The following PDE8B variants were observed in gnomAD, a reference collection of about 807,000 sequenced individuals.
PDE8B encodes phosphodiesterase 8B.
Under a neutral mutation model 101.3 loss-of-function variants are expected in PDE8B, and 26 were observed. The ratio of observed to expected loss-of-function variants is 0.26; its 90% CI spans 0.19 to 0.36. The LOEUF (loss-of-function observed/expected upper bound fraction) is 0.36. Ranked by LOEUF, PDE8B falls within the 10% of genes least tolerant of loss-of-function variation. The pLI is 1.00. For missense variants in PDE8B, 810 were observed against 1,163.1 expected (o/e 0.70, Z 4.42); for synonymous variants, 424 against 429.3 (o/e 0.99, Z 0.15).
At chr5:77,224,271 A>G (rs577123431) in intron 1 of PDE8B, among the ~76,000 whole-genome samples, 1 of 152,300 alleles carries the variant, frequency 6.6e-6, no homozygotes, top group South Asian at 2.1e-4. Flanking sequence ...CTAGCTTTGA[A>G]TGTAACACCC....
intron 1 of PDE8B, among the ~76,000 whole-genome samples, chr5:77,311,044 ATGC>A (rs1772478871): frequency 6.6e-6 from 1 of 152,170 alleles, no homozygotes; most frequent in Admixed American, 6.5e-5. Context: ...GGTTGTGTAA[ATGC>A]TGCTGCGTGC....
chr5:77,173,981 A>G, the PDE8B span, among the ~76,000 whole-genome samples: 1 of 152,146 alleles, frequency 6.6e-6, no homozygotes, highest in Non-Finnish European at 1.5e-5. Flanking sequence ...GCTGGGACCA[A>G]CCACTGGCCT....
At chr5:77,372,555 A>G (rs927910813) in intron 10 of PDE8B, among the ~76,000 whole-genome samples, 3 of 152,214 alleles carry the variant, frequency 2.0e-5, no homozygotes, top group Non-Finnish European at 2.9e-5. Flanking sequence ...GTGGCCTGGA[A>G]TTTTTTATGC....
intron 6 of PDE8B, among the ~76,000 whole-genome samples, chr5:77,339,133 G>A (rs1351222457): frequency 6.6e-6 from 1 of 152,158 alleles, no homozygotes; most frequent in Admixed American, 6.5e-5. Context: ...GGGCACCAAA[G>A]ACTTTTTAAG....
intron 10 of PDE8B, among the ~76,000 whole-genome samples, chr5:77,391,662 G>T (rs1332282457): frequency 2.0e-5 from 3 of 152,192 alleles, no homozygotes; most frequent in Non-Finnish European, 4.4e-5. Context: ...GCTTTATCTG[G>T]CTCCACTCTA....
chr5:77,361,379 G>T (rs1178043242), intron 10 of PDE8B, among the ~76,000 whole-genome samples: 1 of 152,080 alleles, frequency 6.6e-6, no homozygotes, highest in Non-Finnish European at 1.5e-5. Flanking sequence ...TAGTTTCATT[G>T]TGAATAACCC....
At chr5:77,318,535 A>T (rs1255087778) in intron 2 of PDE8B, among the ~76,000 whole-genome samples, 1 of 152,206 alleles carries the variant, frequency 6.6e-6, no homozygotes, top group African/African-American at 2.4e-5. Context: ...TAAAATAGGG[A>T]TAATGCCCAA....
At chr5:77,184,513 T>C in the PDE8B span, among the ~76,000 whole-genome samples, 4 of 152,242 alleles carry the variant, frequency 2.6e-5, no homozygotes, top group African/African-American at 7.2e-5. Flanking sequence ...CTGTCCATAT[T>C]TGACCATTTT....
intron 1 of PDE8B, among the ~76,000 whole-genome samples, chr5:77,293,139 A>C (rs1561481604): frequency 6.6e-6 from 1 of 152,200 alleles, no homozygotes; most frequent in African/African-American, 2.4e-5. Context: ...TTTTTATTAC[A>C]TAATAAATCA....
At chr5:77,254,443 A>T (rs1312444397) in intron 1 of PDE8B, among the ~76,000 whole-genome samples, 1 of 152,200 alleles carries the variant, frequency 6.6e-6, no homozygotes, top group Admixed American at 6.5e-5. Context: ...TTCTTTTAAG[A>T]TTCCCATCTC....
intron 10 of PDE8B, among the ~76,000 whole-genome samples, chr5:77,354,890 G>A (rs1213605521): frequency 6.6e-6 from 1 of 152,122 alleles, no homozygotes; most frequent in Non-Finnish European, 1.5e-5. Flanking sequence ...CCTTCTTTCT[G>A]AAGGCCCCTG....
intron 10 of PDE8B, among the ~76,000 whole-genome samples, chr5:77,378,837 C>T (rs574994946): frequency 3.9e-5 from 6 of 152,216 alleles, no homozygotes; most frequent in African/African-American, 9.6e-5. Flanking sequence ...TTTAACAAGC[C>T]CTTCAGGTGA....
chr5:77,266,594 G>T (rs1305798585), intron 1 of PDE8B, among the ~76,000 whole-genome samples: 1 of 152,144 alleles, frequency 6.6e-6, no homozygotes, highest in East Asian at 1.9e-4. Flanking sequence ...TCTTTAAACA[G>T]AAACCAACAT....
chr5:77,380,746 C>T (rs534024474), intron 10 of PDE8B, among the ~76,000 whole-genome samples: 2 of 152,110 alleles, frequency 1.3e-5, no homozygotes, highest in Non-Finnish European at 2.9e-5. Context: ...TATAGATAGA[C>T]ATTATTCAAA....
At chr5:77,208,220 T>C (rs944638251), upstream of PDE8B, among the ~76,000 whole-genome samples, 5 of 152,202 alleles carry the variant, frequency 3.3e-5, no homozygotes. Context: ...CTTCTTGCCT[T>C]TCAAAGCCTC....
chr5:77,218,824 A>G (rs993560109), intron 1 of PDE8B, among the ~76,000 whole-genome samples: 2 of 152,194 alleles, frequency 1.3e-5, no homozygotes, highest in Non-Finnish European at 2.9e-5. Context: ...TCTTTGGGTA[A>G]TCAAAATGAG....
In PDE8B at chr5:77,337,230, T is replaced by A; in HGVS notation, c.712T>A (p.Phe238Ile). Residue 238 changes from phenylalanine (F) to isoleucine (I), a missense_variant, in exon 6 of 22, where the codon TTT becomes ATT. By Grantham distance (21) the Phe-to-Ile change is conservative (BLOSUM62 0). Transcript: ENST00000264917. ...PLLHAGFNRR[F>I]MENSSIIACY... ...ATTGTCTTTGCTTTCTTTTCAGAGA[T>A]TTATGGAGAATAGCAGCATAATTGC... The A allele has an allele frequency of 6.5e-7, 1 of 1,546,298 alleles. No individual in the cohort carries two copies. Among genetic ancestry groups the A allele is most frequent in the Non-Finnish European group, 8.9e-7 (1 of 1,121,166 alleles).
chr5:77,365,346 G>A lies in PDE8B; in HGVS notation c.1167+11940G>A, dbSNP rs527458311. Among the ~76,000 whole-genome samples, 158 of 152,246 alleles carry A rather than the reference G, an allele frequency of 1.0e-3. 1 individual carries two copies. Among genetic ancestry groups the A allele is most frequent in the Non-Finnish European group, 1.7e-3 (115 of 68,016 alleles). ...AATTTCTGAGTGAATTAGATCTGGC[G>A]CGATCATGTTATATTAGGCTAGGGA... On this transcript the variant is annotated intron_variant, in intron 10 of 21. Transcript: ENST00000264917.
intron 1 of PDE8B, among the ~76,000 whole-genome samples, chr5:77,269,666 G>A (rs961616659): frequency 6.6e-6 from 1 of 152,122 alleles, no homozygotes; most frequent in Non-Finnish European, 1.5e-5. Flanking sequence ...GTGAGAGATA[G>A]GGTTCTAGTT....
Sources: gnomAD v4.1 joint callset for allele counts (sites outside exome capture counted in the v4.1 genomes callset) on GRCh38, gnomAD v4.1.1 for gene constraint, MANE v1.5 for transcripts, NCBI Gene and HGNC (gene_info 2026-07-23, HGNC 2026-07-21) for gene names.